The following LY96 variants were observed in gnomAD, a reference collection of about 807,000 sequenced individuals.
The protein encoded by LY96 is lymphocyte antigen 96.
In LY96, 18 loss-of-function variants were observed where a neutral mutation model predicts 18.9. The ratio of observed to expected loss-of-function variants is 0.95; its 90% CI spans 0.66 to 1.41. The LOEUF is 1.41. Ranked by LOEUF, LY96 falls within the 40% of genes most tolerant of loss-of-function variation. LY96 has a pLI of 0.00. For synonymous variants in LY96, 66 were observed against 62.6 expected (o/e 1.06, Z -0.26); for missense variants, 175 against 182.4 (o/e 0.96, Z 0.23).
the LY96 span, among the ~76,000 whole-genome samples, chr8:74,044,165 T>G: frequency 2.6e-5 from 4 of 152,144 alleles, no homozygotes; most frequent in Non-Finnish European, 5.9e-5. Flanking sequence ...TGTTATTTTT[T>G]TTTTTGTACA....
At chr8:74,045,564 A>G in the LY96 span, among the ~76,000 whole-genome samples, 4 of 152,204 alleles carry the variant, frequency 2.6e-5, no homozygotes, top group African/African-American at 9.6e-5. Flanking sequence ...CAGAAGACAC[A>G]TTTAAACTGG....
the LY96 span, among the ~76,000 whole-genome samples, chr8:74,060,978 C>A: frequency 6.6e-6 from 1 of 152,176 alleles, no homozygotes; most frequent in African/African-American, 2.4e-5. Context: ...CATTTCTATA[C>A]CTTCGTGTCC....
At chr8:74,017,923 A>G (rs1431610688) in intron 3 of LY96, among the ~76,000 whole-genome samples, 1 of 152,178 alleles carries the variant, frequency 6.6e-6, no homozygotes, top group Non-Finnish European at 1.5e-5. Flanking sequence ...GAAAGGAACA[A>G]CTGGTACCAG....
At chr8:74,000,279 A>T (rs10096996) in intron 1 of LY96, among the ~76,000 whole-genome samples, 35,847 of 151,662 alleles carry the variant, frequency 0.24, 5,088 homozygotes, top group African/African-American at 0.39. Flanking sequence ...TACCAGATAG[A>T]GTAGATCCTT....
the LY96 span, among the ~76,000 whole-genome samples, chr8:74,041,240 A>G: frequency 2.0e-5 from 3 of 152,148 alleles, no homozygotes; most frequent in Non-Finnish European, 2.9e-5. Context: ...TAATACTTTT[A>G]TAATTTCTTA....
intron 1 of LY96, among the ~76,000 whole-genome samples, chr8:73,991,801 G>A (rs532864297): frequency 4.6e-5 from 7 of 152,186 alleles, no homozygotes; most frequent in African/African-American, 7.2e-5. Context: ...TGTTCCCTGC[G>A]TCATCTTTCT....
chr8:74,044,184 A>T, the LY96 span, among the ~76,000 whole-genome samples: 4 of 151,826 alleles, frequency 2.6e-5, no homozygotes, highest in Admixed American at 6.6e-5. Context: ...CATAAAAAAA[A>T]TTTTCTTTTT....
intron 4 of LY96, 31 bp downstream of exon 4, chr8:74,026,872 A>G: frequency 9.0e-7 from 1 of 1,109,562 alleles, no homozygotes; most frequent in Non-Finnish European, 1.4e-6. Flanking sequence ...TGTACTGTCT[A>G]ACCTTTAGCA....
the LY96 span, among the ~76,000 whole-genome samples, chr8:74,043,945 C>T: frequency 1.3e-5 from 2 of 152,012 alleles, no homozygotes; most frequent in Non-Finnish European, 1.5e-5. Context: ...GCGATCTTCC[C>T]GTCTTAGCCC....
chr8:74,023,852 A>G (rs1260906394), intron 3 of LY96, among the ~76,000 whole-genome samples: 1 of 152,256 alleles, frequency 6.6e-6, no homozygotes, highest in Non-Finnish European at 1.5e-5. Flanking sequence ...TGAAATTCAT[A>G]CTAACAGTTT....
At chr8:74,061,504 A>C in the LY96 span, among the ~76,000 whole-genome samples, 1 of 152,196 alleles carries the variant, frequency 6.6e-6, no homozygotes, top group Non-Finnish European at 1.5e-5. Context: ...GAGATGGTTA[A>C]AGGGTACAAA....
chr8:74,048,692 G>A, the LY96 span: 1 of 152,080 alleles, frequency 6.6e-6, no homozygotes, highest in Non-Finnish European at 1.5e-5. Flanking sequence ...CGCTTCAGTA[G>A]CACATATGCT....
chr8:73,993,771 G>A (rs767512791), intron 1 of LY96, among the ~76,000 whole-genome samples: 20 of 151,808 alleles, frequency 1.3e-4, no homozygotes, highest in Non-Finnish European at 2.2e-4. Flanking sequence ...TAGAGATGGA[G>A]TCTTGCTATA....
At chr8:74,039,005 A>T in the LY96 span, among the ~76,000 whole-genome samples, 1 of 152,224 alleles carries the variant, frequency 6.6e-6, no homozygotes, top group Non-Finnish European at 1.5e-5. Context: ...ACAGTGTATG[A>T]AGGTTCCCTT....
chr8:74,092,175 G>A, the LY96 span, among the ~76,000 whole-genome samples: 1 of 152,108 alleles, frequency 6.6e-6, no homozygotes, highest in Admixed American at 6.6e-5. Flanking sequence ...TGACAAGCTG[G>A]CTCAAAGAAC....
chr8:73,997,928 C>T lies in LY96; in HGVS notation c.112+6374C>T, dbSNP rs184109672. ...TCCTCCTAGCATCTCCATGTGTTCA[C>T]CAACCCAGAAGCTCTCCTAAACCTG... On this transcript the variant is annotated intron_variant, in intron 1 of 4. Transcript: ENST00000284818. Among the ~76,000 whole-genome samples, 723 of 152,312 alleles carry T rather than the reference C, an allele frequency of 4.7e-3. 7 individuals carry two copies. Among genetic ancestry groups the T allele is most frequent in the Admixed American group, 6.2e-3 (95 of 15,302 alleles).
intron 1 of LY96, among the ~76,000 whole-genome samples, chr8:73,991,955 C>G (rs751534821): frequency 3.9e-5 from 6 of 152,134 alleles, no homozygotes; most frequent in Non-Finnish European, 8.8e-5. Context: ...GATTTCTGCT[C>G]TAAGCTGTGA....
chr8:74,080,323 GT>G, the LY96 span, among the ~76,000 whole-genome samples: 2 of 152,174 alleles, frequency 1.3e-5, no homozygotes, highest in African/African-American at 4.8e-5. Flanking sequence ...CTCATCGGAA[GT>G]TCTTTCTGCT....
the LY96 span, among the ~76,000 whole-genome samples, chr8:74,059,823 A>G: frequency 6.6e-6 from 1 of 152,212 alleles, no homozygotes; most frequent in East Asian, 1.9e-4. Context: ...AAAAAAAGAG[A>G]TAAATTTTGT....
Sources: gnomAD v4.1 joint callset for allele counts (sites outside exome capture counted in the v4.1 genomes callset) on GRCh38, gnomAD v4.1.1 for gene constraint, MANE v1.5 for transcripts, NCBI Gene and HGNC (gene_info 2026-07-23, HGNC 2026-07-21) for gene names.